Variants in S100Z observed in about 807,000 individuals in gnomAD.
The protein encoded by S100Z is protein S100-Z.
In S100Z, 11 loss-of-function variants were observed where a neutral mutation model predicts 8.5. The ratio of observed to expected loss-of-function variants is 1.30; its 90% CI spans 0.82 to 2.15. The LOEUF is 2.15. S100Z is among the 30% of genes most tolerant of loss of function. The pLI is 0.00. For missense variants in S100Z, 126 were observed against 117.9 expected, an observed-to-expected ratio of 1.07 and a Z score of -0.32; for synonymous variants, 34 against 43.8, an observed-to-expected ratio of 0.78 and a Z score of 0.89.
chr5:76,890,138 C>T (rs1037074900), intron 4 of S100Z, among the ~76,000 whole-genome samples: 1 of 152,190 alleles, frequency 6.6e-6, no homozygotes. Flanking sequence ...ATTCTCCTGT[C>T]TCAGCCTCCT....
chr5:76,928,176 A>G, the S100Z span, among the ~76,000 whole-genome samples: 1 of 152,136 alleles, frequency 6.6e-6, no homozygotes, highest in Non-Finnish European at 1.5e-5. Context: ...ATTTTTACAC[A>G]ATGGAGACCT....
At chr5:76,898,935 T>C in intron 4 of S100Z, among the ~76,000 whole-genome samples, 1 of 139,412 alleles carries the variant, frequency 7.2e-6, no homozygotes, top group East Asian at 2.5e-4. Context: ...TTTCTTTTCT[T>C]TTTTTTTTTT....
chr5:76,908,372 G>A (rs1269505880), intron 4 of S100Z, among the ~76,000 whole-genome samples: 3 of 152,096 alleles, frequency 2.0e-5, no homozygotes. Context: ...TATCTACCCT[G>A]ACCCTTGCCT....
At chr5:76,899,345 A>G (rs1412309692) in intron 4 of S100Z, among the ~76,000 whole-genome samples, 1 of 149,452 alleles carries the variant, frequency 6.7e-6, no homozygotes, top group Admixed American at 6.7e-5. Context: ...TTTATAGTCC[A>G]TGTTGTTATT....
At chr5:76,908,028 G>A (rs1046948397) in intron 4 of S100Z, among the ~76,000 whole-genome samples, 6 of 152,136 alleles carry the variant, frequency 3.9e-5, no homozygotes, top group African/African-American at 1.4e-4. Flanking sequence ...CTACTCGGGA[G>A]GCTGAGGTGG....
intron 1 of S100Z, among the ~76,000 whole-genome samples, chr5:76,867,870 C>T (rs1468610061): frequency 6.6e-6 from 1 of 152,196 alleles, no homozygotes; most frequent in Admixed American, 6.5e-5. Context: ...GCGTGAGCCA[C>T]TGCGGCCGGC....
intron 4 of S100Z, among the ~76,000 whole-genome samples, chr5:76,915,599 C>G (rs138375476): frequency 3.0e-3 from 457 of 151,942 alleles, no homozygotes; most frequent in African/African-American, 0.011. Flanking sequence ...CAGAGCGAGA[C>G]TCCGTCTCAA....
At chr5:76,927,575 G>C in the S100Z span, among the ~76,000 whole-genome samples, 2 of 152,336 alleles carry the variant, frequency 1.3e-5, no homozygotes, top group East Asian at 1.9e-4. Context: ...CTCAATGGCT[G>C]GGAGAAGTTA....
chr5:76,925,857 C>G (rs1471987866), downstream of S100Z, among the ~76,000 whole-genome samples: 4 of 152,154 alleles, frequency 2.6e-5, no homozygotes, highest in Admixed American at 6.5e-5. Flanking sequence ...GTCCCACCTA[C>G]TCAGGAGGCT....
the S100Z span, among the ~76,000 whole-genome samples, chr5:76,933,126 T>C: frequency 1.4e-3 from 206 of 152,298 alleles, no homozygotes; most frequent in African/African-American, 4.9e-3. Flanking sequence ...TGGGATAAAA[T>C]TGAGATGATT....
At chr5:76,900,058 C>T (rs765832907) in intron 4 of S100Z, among the ~76,000 whole-genome samples, 1 of 152,024 alleles carries the variant, frequency 6.6e-6, no homozygotes, top group African/African-American at 2.4e-5. Flanking sequence ...ATATGGCATG[C>T]CATTCTCTCT....
chr5:76,922,713 T>C (rs569031600), downstream of S100Z, among the ~76,000 whole-genome samples: 17 of 152,134 alleles, frequency 1.1e-4, no homozygotes, highest in South Asian at 2.1e-4. Flanking sequence ...TTAGTAGAGA[T>C]GGGGTTTCAC....
At chr5:76,923,927 A>G (rs1277187384), downstream of S100Z, among the ~76,000 whole-genome samples, 1 of 151,196 alleles carries the variant, frequency 6.6e-6, no homozygotes, top group Non-Finnish European at 1.5e-5. Flanking sequence ...CTCCTTCCCC[A>G]CCCCCCAATT....
chr5:76,932,166 A>C, the S100Z span, among the ~76,000 whole-genome samples: 27 of 152,094 alleles, frequency 1.8e-4, 1 homozygote, highest in Admixed American at 1.7e-3. Flanking sequence ...CAGTGAAAAG[A>C]TAGGAGATTT....
At chr5:76,868,295 G>A (rs1445678117) in intron 1 of S100Z, among the ~76,000 whole-genome samples, 1 of 152,124 alleles carries the variant, frequency 6.6e-6, no homozygotes, top group African/African-American at 2.4e-5. Flanking sequence ...CTAAGGGGCA[G>A]CATGTACCAA....
chr5:76,860,883 A>G (rs1751036259), intron 1 of S100Z, among the ~76,000 whole-genome samples: 1 of 152,080 alleles, frequency 6.6e-6, no homozygotes, highest in Non-Finnish European at 1.5e-5. Flanking sequence ...ATTTCATTAC[A>G]TATTAATTTC....
intron 4 of S100Z, among the ~76,000 whole-genome samples, chr5:76,897,472 TA>T (rs1477589466): frequency 1.4e-5 from 2 of 143,786 alleles, no homozygotes; most frequent in Non-Finnish European, 2.9e-5. Context: ...ATAATAAAAA[TA>T]AAAAAATAAA....
At chr5:76,899,081 T>C (rs958986382) in intron 4 of S100Z, among the ~76,000 whole-genome samples, 1 of 151,918 alleles carries the variant, frequency 6.6e-6, no homozygotes, top group Non-Finnish European at 1.5e-5. Context: ...GTAGCTGGGA[T>C]TACAGACACG....
chr5:76,927,125 C>A, the S100Z span, among the ~76,000 whole-genome samples: 2 of 152,130 alleles, frequency 1.3e-5, no homozygotes, highest in Non-Finnish European at 2.9e-5. Context: ...AAGACACTGA[C>A]CCACAAAAAG....
Sources: allele counts gnomAD v4.1 joint callset (sites outside exome capture counted in the v4.1 genomes callset), GRCh38; gene constraint gnomAD v4.1.1; transcripts MANE v1.5; gene names NCBI Gene and HGNC (gene_info 2026-07-23, HGNC 2026-07-21).